GJC2: variants seen among roughly 807,000 people sequenced by gnomAD.
GJC2 encodes the protein gap junction protein gamma 2.
For missense variants in GJC2, 647 were observed against 648.9 expected (o/e 1.00, Z 0.03); for synonymous variants, 336 against 307.5 (o/e 1.09, Z -0.97).
Position 228,157,740 on chromosome 1 carries a change from GACCCGCC to G in GJC2, c.-18_-12del. On this transcript the variant is annotated splice_region_variant and 5_prime_UTR_variant, in exon 2 of 2. Coordinates refer to ENST00000366714, the MANE Select transcript of GJC2 (RefSeq NM_020435.4). Reference sequence around the variant, plus strand: ...GGCTGACCCCTACCCCGCCCCACAGGACCCGCCCGCCCGCCCCTATGACCAACATGAG... The same window carrying G: ...GGCTGACCCCTACCCCGCCCCACAGGCGCCCGCCCCTATGACCAACATGAG... The G allele has an allele frequency of 1.5e-6, 1 of 662,254 alleles. No homozygotes were observed. Among genetic ancestry groups the G allele is most frequent in the African/African-American group, 1.9e-5 (1 of 53,484 alleles). The allele number at this position is 662,254 out of a possible 1,614,324, so 41.0% of individuals were successfully genotyped here.
chr1:228,158,680 G>GCGGC lies in GJC2; in HGVS notation c.923_924insGGCC (p.Pro309AlafsTer40). On this transcript the variant is annotated frameshift_variant, in exon 2 of 2. Transcript: ENST00000366714. LOFTEE classifies it low-confidence loss of function (END_TRUNC). The surrounding 1 kb of genome is among the most constrained non-coding windows in gnomAD (Gnocchi z 8.3). ...CGGCCGCCGCGGCCCCCCGGCCTCC[G>GCGGC]CCCCCGCCCCCGCGCCGCGGCCCCC... 9.4e-7 allele frequency: 1 copy of GCGGC among 1,065,992 alleles called. No homozygotes were observed. Among genetic ancestry groups the GCGGC allele is most frequent in the Non-Finnish European group, 1.1e-6 (1 of 881,230 alleles). 66.0% of individuals were successfully genotyped at this position (1,065,992 alleles called of 1,614,324 possible).
Position 228,158,662 on chromosome 1 carries a change from C to T in GJC2, c.904C>T (p.Arg302Cys). 2.1e-6 allele frequency: 3 copies of T among 1,454,206 alleles called. No individual in the cohort carries two copies. The highest frequency in any genetic ancestry group is 2.7e-6 in the Non-Finnish European group (3 of 1,092,810). 90.1% of individuals were successfully genotyped at this position (1,454,206 alleles called of 1,614,324 possible). ...CGCGCAGGACGCGGTGCGCGGCCGC[C>T]GCGGCCCCCCGGCCTCCGCCCCCGC... ...GSAQDAVRGR[R>C]GPPASAPAPA... The change falls in exon 2 of 2, where the codon CGC becomes TGC. Residue 302 changes from arginine to cysteine, a missense_variant. Physicochemically the swap from Arg to Cys is radical, Grantham distance 180 (BLOSUM62 -3). Transcript: ENST00000366714. This position sits in a 1 kb window ranked among gnomAD's most constrained non-coding sequence, Gnocchi z 8.3.
chr1:228,158,239 G>T lies in GJC2; in HGVS notation c.481G>T (p.Ala161Ser). The T allele has an allele frequency of 1.3e-6, 2 of 1,508,152 alleles. No homozygotes were observed. Among genetic ancestry groups the T allele is most frequent in the South Asian group, 1.3e-5 (1 of 79,644 alleles). The allele number at this position is 1,508,152 out of a possible 1,614,324, so 93.4% of individuals were successfully genotyped here. ...GEEEEEEETG[A>S]AEGAGEEAEE... ...GGAGGAGGAGGAGGAGGAGACGGGG[G>T]CAGCCGAGGGCGCCGGCGAGGAAGC... Residue 161 changes from alanine to serine, a missense_variant, in exon 2 of 2, where the codon GCA (alanine) becomes TCA (serine). Physicochemically the swap from Ala to Ser is moderately conservative, Grantham distance 99. Transcript: ENST00000366714. This position sits in a 1 kb window ranked among gnomAD's most constrained non-coding sequence, Gnocchi z 8.3.
Position 228,150,267 on chromosome 1 carries a change from G to T in GJC2, c.-20+260G>T, listed in dbSNP as rs1033005575. On this transcript the variant is annotated intron_variant, in intron 1 of 1. Coordinates refer to ENST00000366714, the MANE Select transcript of GJC2 (RefSeq NM_020435.4). The surrounding 1 kb of genome is among the most constrained non-coding windows in gnomAD (Gnocchi z 4.6). The stretch of plus-strand genomic sequence containing the variant: ...CTTCACCGCAGGGTGGGCACCAACC[G>T]GTGGGGTCTGCTCTGGGACAGCTGG... Among the ~76,000 whole-genome samples, 1 of 152,156 alleles carries T rather than the reference G, an allele frequency of 6.6e-6. No individual in the cohort carries two copies. Among genetic ancestry groups the T allele is most frequent in the African/African-American group, 2.4e-5 (1 of 41,440 alleles).
chr1:228,152,191 T>G lies in GJC2; in HGVS notation c.-20+2184T>G, dbSNP rs929659582. On this transcript the variant is annotated intron_variant, in intron 1 of 1. Coordinates refer to ENST00000366714, the MANE Select transcript of GJC2 (RefSeq NM_020435.4). This position sits in a 1 kb window ranked among gnomAD's most constrained non-coding sequence, Gnocchi z 7.3. ...TGCCATGCGCTGGGGTACCATCATT[T>G]TCGGGGAAGGGAGGAGCCTGCCCCA... Among the ~76,000 whole-genome samples the G allele has an allele frequency of 1.3e-5, 2 of 151,518 alleles. No homozygotes were observed. Among genetic ancestry groups the G allele is most frequent in the Non-Finnish European group, 2.9e-5 (2 of 67,918 alleles).
chr1:228,157,737 C>CTGGGGGGGGGGGGGGGGGG lies in GJC2; in HGVS notation c.-19-3_-19-2insTGGGGGGGGGGGGGGGGGG. ...CCTGGCTGACCCCTACCCCGCCCCACAGGACCCGCCCGCCCGCCCCTATGA... is the reference window on the plus strand; with the variant it reads ...CCTGGCTGACCCCTACCCCGCCCCACTGGGGGGGGGGGGGGGGGGAGGACCCGCCCGCCCGCCCCTATGA... On this transcript the variant is annotated splice_region_variant and splice_polypyrimidine_tract_variant and intron_variant, in intron 1 of 1. Coordinates refer to ENST00000366714, the MANE Select transcript of GJC2 (RefSeq NM_020435.4). 1 of 682,662 alleles carries CTGGGGGGGGGGGGGGGGGG rather than the reference C, an allele frequency of 1.5e-6. No homozygotes were observed. Among genetic ancestry groups the CTGGGGGGGGGGGGGGGGGG allele is most frequent in the Non-Finnish European group, 2.7e-6 (1 of 374,192 alleles). 42.3% of individuals were successfully genotyped at this position (682,662 alleles called of 1,614,324 possible). A position where few individuals can be genotyped will look rare whatever the true frequency, so the allele number is the denominator to read the frequency against.
rs2034724476 is a variant in GJC2, at chr1:228,158,692, G to T, written c.934G>T (p.Ala312Ser). 3 of 1,062,098 alleles carry T rather than the reference G, an allele frequency of 2.8e-6. No homozygotes were observed. In the South Asian group the frequency reaches 1.2e-4, roughly 44 times the overall value. 65.8% of individuals were successfully genotyped at this position (1,062,098 alleles called of 1,614,324 possible). Reference sequence around the variant, plus strand: ...CCCCCCGGCCTCCGCCCCCGCCCCCGCGCCGCGGCCCCCGCCCTGCGCCTT... The same window carrying T: ...CCCCCCGGCCTCCGCCCCCGCCCCCTCGCCGCGGCCCCCGCCCTGCGCCTT... ...RGPPASAPAP[A>S]PRPPPCAFPA... Residue 312 changes from alanine to serine, a missense_variant, in exon 2 of 2, where the codon GCG (alanine) becomes TCG (serine). Coordinates refer to ENST00000366714, the MANE Select transcript of GJC2 (RefSeq NM_020435.4). This position sits in a 1 kb window ranked among gnomAD's most constrained non-coding sequence, Gnocchi z 8.3.
chr1:228,153,554 T>G (rs1338515037), intron 1 of GJC2, among the ~76,000 whole-genome samples: 1 of 150,900 alleles, frequency 6.6e-6, no homozygotes, highest in East Asian at 2.0e-4. Context: ...CTGGCAAATT[T>G]TTGTATTAAG....
chr1:228,158,810 CA>C lies in GJC2; in HGVS notation c.1055del (p.Asn352ThrfsTer119). 1 of 1,451,710 alleles carries C rather than the reference CA, an allele frequency of 6.9e-7. No individual in the cohort carries two copies. The highest frequency in any genetic ancestry group is 2.4e-5 in the Admixed American group (1 of 41,210). 89.9% of individuals were successfully genotyped at this position (1,451,710 alleles called of 1,614,324 possible). On this transcript the variant is annotated frameshift_variant, in exon 2 of 2. Coordinates refer to ENST00000366714, the MANE Select transcript of GJC2 (RefSeq NM_020435.4). LOFTEE classifies it low-confidence loss of function (END_TRUNC). This position sits in a 1 kb window ranked among gnomAD's most constrained non-coding sequence, Gnocchi z 8.3. ...ERARAHDQNL[A>X]NLALQALRDG... ...GCTCGGGCGCATGACCAGAACCTGG[CA>C]AACCTGGCCCTGCAGGCGCTGCGCG...
In GJC2 at chr1:228,158,242, G is replaced by A. The variant is rs1463803457; in HGVS notation, c.484G>A (p.Ala162Thr). 3.3e-6 allele frequency: 5 copies of A among 1,509,904 alleles called. No homozygotes were observed. Among genetic ancestry groups the A allele is most frequent in the Non-Finnish European group, 4.4e-6 (5 of 1,132,962 alleles). The allele number at this position is 1,509,904 out of a possible 1,614,324, so 93.5% of individuals were successfully genotyped here. ...EEEEEEETGA[A>T]EGAGEEAEEA... is the part of the protein sequence containing the mutation. ...GGAGGAGGAGGAGGAGACGGGGGCA[G>A]CCGAGGGCGCCGGCGAGGAAGCGGA... Residue 162 changes from alanine (A) to threonine (T), a missense_variant, in exon 2 of 2, where the codon GCC becomes ACC. Ala to Thr is a moderately conservative substitution (Grantham distance 58). Coordinates refer to ENST00000366714, the MANE Select transcript of GJC2 (RefSeq NM_020435.4). This position sits in a 1 kb window ranked among gnomAD's most constrained non-coding sequence, Gnocchi z 8.3.
In GJC2 at chr1:228,159,088, C is replaced by T. The variant is rs1431048168; in HGVS notation, c.*10C>T. The T allele has an allele frequency of 6.2e-7, 1 of 1,609,514 alleles. No individual in the cohort carries two copies. Among genetic ancestry groups the T allele is most frequent in the South Asian group, 1.1e-5 (1 of 90,922 alleles). On this transcript the variant is annotated 3_prime_UTR_variant, in exon 2 of 2. Coordinates refer to ENST00000366714, the MANE Select transcript of GJC2 (RefSeq NM_020435.4). The surrounding 1 kb of genome is among the most constrained non-coding windows in gnomAD (Gnocchi z 4.0). The stretch of plus-strand genomic sequence containing the variant: ...CACCGTGTGGATCTGAGGGCGCTGG[C>T]TTGCGAGCTGGGCCAGGGAGGAGGA...
At position 228,157,741 on chromosome 1, in the gene GJC2, A is replaced by AAGC; in HGVS notation, c.-18_-17insAGC. ...GCTGACCCCTACCCCGCCCCACAGG[A>AAGC]CCCGCCCGCCCGCCCCTATGACCAA... On this transcript the variant is annotated splice_region_variant and 5_prime_UTR_variant, in exon 2 of 2. Coordinates refer to ENST00000366714, the MANE Select transcript of GJC2 (RefSeq NM_020435.4). 2.8e-6 allele frequency: 1 copy of AAGC among 354,470 alleles called. No individual in the cohort carries two copies. 22.0% of individuals were successfully genotyped at this position (354,470 alleles called of 1,614,324 possible).
At chr1:228,153,581 CTTTTTTT>C (rs149136887) in intron 1 of GJC2, among the ~76,000 whole-genome samples, 5 of 93,158 alleles carry the variant, frequency 5.4e-5, no homozygotes, top group East Asian at 2.9e-4. Context: ...TTTCTCTTTT[CTTTTTTT>C]TTTTTTTTTT....
rs1027998181 is a variant in GJC2 at position 228,151,325 on chromosome 1, G to A, written c.-20+1318G>A. ...CCTCACTCCCCTGACATTCCTGAGC[G>A]CCACACCCATGCTCTTGGGCTCCTG... On this transcript the variant is annotated intron_variant, in intron 1 of 1. Coordinates refer to ENST00000366714, the MANE Select transcript of GJC2 (RefSeq NM_020435.4). The surrounding 1 kb of genome is among the most constrained non-coding windows in gnomAD (Gnocchi z 5.4). Among the ~76,000 whole-genome samples, 10 of 152,108 alleles carry A rather than the reference G, an allele frequency of 6.6e-5. No individual in the cohort carries two copies. The highest frequency in any genetic ancestry group is 9.7e-5 in the African/African-American group (4 of 41,420).
intron 1 of GJC2, among the ~76,000 whole-genome samples, chr1:228,154,645 G>C (rs561386101): frequency 3.9e-4 from 59 of 152,346 alleles, no homozygotes; most frequent in African/African-American, 1.4e-3. Context: ...CAGAGGAGCT[G>C]TCTCCTGTCC....
chr1:228,158,333 CGGGCCCGACCGG>C lies in GJC2; in HGVS notation c.577_588del (p.Gly193_Gly196del), dbSNP rs995455645. ...GCTGACGGCAAGGCGGCAGGGACCC[CGGGCCCGACCGG>C]GCAACACGATGGGCGGAGGCGCATC... On this transcript the variant is annotated inframe_deletion, in exon 2 of 2. Coordinates refer to ENST00000366714, the MANE Select transcript of GJC2 (RefSeq NM_020435.4). The surrounding 1 kb of genome is among the most constrained non-coding windows in gnomAD (Gnocchi z 8.3). 2.1e-5 allele frequency: 33 copies of C among 1,564,876 alleles called. No homozygotes were observed. Among genetic ancestry groups the C allele is most frequent in the Non-Finnish European group, 2.8e-5 (32 of 1,159,104 alleles).
rs766191149 is a variant in GJC2 at position 228,158,719 on chromosome 1, C to T, written c.961C>T (p.Pro321Ser). ...GCCGCGGCCCCCGCCCTGCGCCTTC[C>T]CTGCGGCGGCCGCTGGCTTGGCCTG... ...PAPRPPPCAFPAAAAGLACPP... is the reference protein window; with the variant it reads ...PAPRPPPCAFSAAAAGLACPP... The change falls in exon 2 of 2, where the codon CCT becomes TCT. Residue 321 changes from proline (P) to serine (S), a missense_variant. Coordinates refer to ENST00000366714, the MANE Select transcript of GJC2 (RefSeq NM_020435.4). This position sits in a 1 kb window ranked among gnomAD's most constrained non-coding sequence, Gnocchi z 8.3. 1.5e-6 allele frequency: 2 copies of T among 1,305,338 alleles called. No individual in the cohort carries two copies. Among genetic ancestry groups the T allele is most frequent in the Non-Finnish European group, 2.0e-6 (2 of 1,020,148 alleles). 80.9% of individuals were successfully genotyped at this position (1,305,338 alleles called of 1,614,324 possible).
In GJC2 at chr1:228,151,581, T is replaced by C. The variant is rs187728881; in HGVS notation, c.-20+1574T>C. 9.2e-4 allele frequency among the ~76,000 whole-genome samples: 140 copies of C among 152,226 alleles called. 2 individuals carry two copies. In the East Asian group the frequency reaches 0.015, roughly 16 times the overall value. Reference sequence around the variant, plus strand: ...TCGAGCAGCAGTGTGCATGTGGCAGTGTGCACTGCTTGTGTGTGGGGGGGT... The same window carrying C: ...TCGAGCAGCAGTGTGCATGTGGCAGCGTGCACTGCTTGTGTGTGGGGGGGT... On this transcript the variant is annotated intron_variant, in intron 1 of 1. Coordinates refer to ENST00000366714, the MANE Select transcript of GJC2 (RefSeq NM_020435.4). This position sits in a 1 kb window ranked among gnomAD's most constrained non-coding sequence, Gnocchi z 5.4.
intron 1 of GJC2, among the ~76,000 whole-genome samples, chr1:228,156,372 TG>T (rs1446980531): frequency 1.3e-5 from 2 of 152,208 alleles, no homozygotes; most frequent in Admixed American, 1.3e-4. Flanking sequence ...CGTGTACATG[TG>T]TATGCATGTG....
Sources: gnomAD v4.1 joint callset for allele counts (sites outside exome capture counted in the v4.1 genomes callset) on GRCh38, gnomAD v4.1.1 for gene constraint, Gnocchi (gnomAD v3.1) non-coding constraint, MANE v1.5 for transcripts, NCBI Gene and HGNC (gene_info 2026-07-23, HGNC 2026-07-21) for gene names.